Variants in CSMD1 observed in about 807,000 individuals in gnomAD.
CSMD1 encodes CUB and sushi domain-containing protein 1.
Under a neutral mutation model 417.5 loss-of-function variants are expected in CSMD1, and 213 were observed. That is an observed-to-expected ratio of 0.51 (90% CI 0.46 to 0.57). The LOEUF is 0.57. Among genes scored for constraint, CSMD1 ranks in the 20% least tolerant of loss-of-function variants. The probability of loss-of-function intolerance (pLI) is 0.00; values close to 1 mark genes in which losing one functional copy is unlikely to be tolerated. For missense variants in CSMD1, 6,923 were observed against 4,529.7 expected, an observed-to-expected ratio of 1.53 and a Z score of -15.17; for synonymous variants, 2,862 against 1,736.8, an observed-to-expected ratio of 1.65 and a Z score of -16.11.
chr8:4,125,132 C>G (rs1802689742), intron 3 of CSMD1, among the ~76,000 whole-genome samples: 1 of 150,496 alleles, frequency 6.6e-6, no homozygotes, highest in African/African-American at 2.5e-5. Flanking sequence ...AGAAAAAAAC[C>G]TTTGATCAGG....
At chr8:4,691,655 T>C (rs1203895145) in intron 1 of CSMD1, among the ~76,000 whole-genome samples, 1 of 152,308 alleles carries the variant, frequency 6.6e-6, no homozygotes, top group East Asian at 1.9e-4. Context: ...TCTGCCTTGA[T>C]GGAGTGAAAG....
intron 10 of CSMD1, among the ~76,000 whole-genome samples, chr8:3,513,218 C>G (rs1222562214): frequency 1.3e-5 from 2 of 152,036 alleles, no homozygotes; most frequent in Admixed American, 6.6e-5. Context: ...TACTAATCCT[C>G]CAACTTTAAT....
At chr8:3,666,807 G>T (rs1057310007) in intron 7 of CSMD1, among the ~76,000 whole-genome samples, 1 of 151,906 alleles carries the variant, frequency 6.6e-6, no homozygotes, top group Non-Finnish European at 1.5e-5. Flanking sequence ...GGCCTCCTCA[G>T]CCATGTGGAA....
intron 3 of CSMD1, among the ~76,000 whole-genome samples, chr8:4,087,100 G>C (rs1325314217): frequency 6.6e-6 from 1 of 152,150 alleles, no homozygotes; most frequent in Admixed American, 6.5e-5. Flanking sequence ...TTTCTTCCTG[G>C]AGCAACTGGC....
At chr8:4,182,241 A>C (rs1584974094) in intron 3 of CSMD1, among the ~76,000 whole-genome samples, 1 of 152,140 alleles carries the variant, frequency 6.6e-6, no homozygotes, top group African/African-American at 2.4e-5. Flanking sequence ...CATAAGAAAA[A>C]AACGGAATAT....
chr8:4,032,394 C>G (rs1563341331), intron 3 of CSMD1, among the ~76,000 whole-genome samples: 1 of 152,050 alleles, frequency 6.6e-6, no homozygotes, highest in Non-Finnish European at 1.5e-5. Flanking sequence ...TTATATTTTT[C>G]TAGTCACAAA....
At chr8:2,961,331 C>A in intron 61 of CSMD1, 117 bp from the exon 62 acceptor site, 1 of 484,134 alleles carries the variant, frequency 2.1e-6, no homozygotes, top group Middle Eastern at 3.2e-4. Flanking sequence ...GAGAAATGTG[C>A]AAGATGTTTT....
intron 23 of CSMD1, among the ~76,000 whole-genome samples, chr8:3,336,950 G>C (rs935252862): frequency 6.6e-6 from 1 of 152,146 alleles, no homozygotes; most frequent in African/African-American, 2.4e-5. Context: ...AAGTCAGTTA[G>C]TTCTAGGAGA....
At chr8:4,023,847 G>C (rs957266118) in intron 4 of CSMD1, among the ~76,000 whole-genome samples, 1 of 134,428 alleles carries the variant, frequency 7.4e-6, no homozygotes, top group Non-Finnish European at 1.5e-5. Context: ...TCGATCTCCT[G>C]ACCTCGGGAT....
intron 3 of CSMD1, among the ~76,000 whole-genome samples, chr8:4,270,797 C>T (rs1294895028): frequency 2.6e-5 from 4 of 152,142 alleles, no homozygotes; most frequent in African/African-American, 9.7e-5. Context: ...GGCTTCCTTC[C>T]TCCTAGAAAG....
At chr8:4,723,809 AAAC>A (rs1809233457) in intron 1 of CSMD1, among the ~76,000 whole-genome samples, 1 of 151,072 alleles carries the variant, frequency 6.6e-6, no homozygotes, top group African/African-American at 2.4e-5. Flanking sequence ...AACAAAAAAA[AAAC>A]AAAACAAAAC....
chr8:2,942,454 A>G lies in CSMD1; in HGVS notation c.10535+18T>C. ...TTACACTCACAACATTCTCAAACAG[A>G]TGGTGTTTCTGCAGTACCTGTGTTT... On this transcript the variant is annotated intron_variant, in intron 69 of 69. Coordinates refer to ENST00000635120, the MANE Select transcript of CSMD1 (RefSeq NM_033225.6). 6.2e-7 allele frequency: 1 copy of G among 1,606,300 alleles called. No homozygotes were observed. Among genetic ancestry groups the G allele is most frequent in the Non-Finnish European group, 8.5e-7 (1 of 1,174,906 alleles).
chr8:4,151,815 G>C lies in CSMD1; in HGVS notation c.416-119716C>G, dbSNP rs530171622. ...TTTATATGAAAAATAATTGTTCGAA[G>C]TTTTTTTATATATATAGCATGAATC... On this transcript the variant is annotated intron_variant, in intron 3 of 69. Coordinates refer to ENST00000635120, the MANE Select transcript of CSMD1 (RefSeq NM_033225.6). Among the ~76,000 whole-genome samples, 20 of 152,208 alleles carry C rather than the reference G, an allele frequency of 1.3e-4. No homozygotes were observed. In the East Asian group the frequency reaches 3.9e-3, roughly 29 times the overall value.
At chr8:4,733,072 T>G (rs1012768095) in intron 1 of CSMD1, among the ~76,000 whole-genome samples, 3 of 151,796 alleles carry the variant, frequency 2.0e-5, no homozygotes, top group Non-Finnish European at 2.9e-5. Context: ...AAGACCGAGG[T>G]TGGTATTTAA....
At chr8:3,965,705 C>T (rs989980439) in intron 5 of CSMD1, among the ~76,000 whole-genome samples, 9 of 152,104 alleles carry the variant, frequency 5.9e-5, no homozygotes, top group African/African-American at 2.2e-4. Context: ...ACAACCTCTG[C>T]CTCCCACTTT....
chr8:4,366,490 C>T (rs562232872), intron 3 of CSMD1, among the ~76,000 whole-genome samples: 32 of 152,216 alleles, frequency 2.1e-4, no homozygotes, highest in Non-Finnish European at 2.6e-4. Context: ...TTAAGTTCTT[C>T]GATAAAACTC....
chr8:3,579,213 T>A (rs2220013), intron 9 of CSMD1, among the ~76,000 whole-genome samples: 50,034 of 151,628 alleles, frequency 0.33, 9,923 homozygotes, highest in Middle Eastern at 0.45. Flanking sequence ...GGAGGGAAAG[T>A]GGAAAGGGAG....
At chr8:4,580,720 T>G (rs1799374691) in intron 2 of CSMD1, among the ~76,000 whole-genome samples, 1 of 152,222 alleles carries the variant, frequency 6.6e-6, no homozygotes, top group East Asian at 1.9e-4. Flanking sequence ...AAGCCCTTCC[T>G]GATTAAATCA....
At chr8:4,502,372 G>T (rs185120251) in intron 2 of CSMD1, among the ~76,000 whole-genome samples, 1 of 152,146 alleles carries the variant, frequency 6.6e-6, no homozygotes. Context: ...GCAGTCTCTG[G>T]CATATAATAA....
Sources: allele counts gnomAD v4.1 joint callset (sites outside exome capture counted in the v4.1 genomes callset), GRCh38; gene constraint gnomAD v4.1.1; transcripts MANE v1.5; gene names NCBI Gene and HGNC (gene_info 2026-07-23, HGNC 2026-07-21).